Variants in DACH2 observed in about 807,000 individuals in gnomAD.
DACH2 encodes the protein dachshund homolog 2.
In DACH2, 17 loss-of-function variants were observed where a neutral mutation model predicts 35.8. The ratio of observed to expected loss-of-function variants is 0.48; its 90% CI spans 0.33 to 0.71. The LOEUF is 0.71. DACH2 is among the 30% of genes least tolerant of loss of function. The probability of loss-of-function intolerance (pLI) is 0.02; values close to 1 mark genes in which losing one functional copy is unlikely to be tolerated. For synonymous variants in DACH2, 195 were observed against 177.3 expected (o/e 1.10, Z -0.79); for missense variants, 469 against 472.7 (o/e 0.99, Z 0.07).
Position 86,295,421 on chromosome X carries a change from A to C in DACH2, c.489-81403A>C, listed in dbSNP as rs4828141. Among the ~76,000 whole-genome samples the C allele has an allele frequency of 9.3e-3, 1,035 of 111,558 alleles. 43 individuals are homozygous for C. Among genetic ancestry groups the C allele is most frequent in the Admixed American group, 0.089 (943 of 10,554 alleles). On this transcript the variant is annotated intron_variant, in intron 1 of 11. Coordinates refer to ENST00000373125, the MANE Select transcript of DACH2 (RefSeq NM_053281.3). ...GGAGCTGTAGACCGCAGCTGTTCCT[A>C]TTCGCTCTAAGCAGGTTTCATACCC...
At chrX:86,160,832 G>A (rs2030728604) in intron 1 of DACH2, 3 of 493,571 alleles carry the variant, frequency 6.1e-6, no homozygotes, top group Non-Finnish European at 1.1e-5. Context: ...CCACCATACC[G>A]GGTTTGAGAA....
At chrX:86,588,970 C>A (rs114478736) in intron 3 of DACH2, among the ~76,000 whole-genome samples, 1 of 111,436 alleles carries the variant, frequency 9.0e-6, no homozygotes, top group Non-Finnish European at 1.9e-5. Context: ...ACAGCTTTTA[C>A]CCATTCAGCA....
chrX:86,409,422 G>A (rs1372240517), intron 2 of DACH2, among the ~76,000 whole-genome samples: 2 of 111,593 alleles, frequency 1.8e-5, no homozygotes, highest in East Asian at 2.8e-4. Flanking sequence ...CTGGTAGGAA[G>A]TGATTGGATC....
intron 2 of DACH2, among the ~76,000 whole-genome samples, chrX:86,402,681 C>G: frequency 9.0e-6 from 1 of 111,375 alleles, no homozygotes. Flanking sequence ...AAGATTTAGT[C>G]TACAATTCAT....
chrX:86,429,300 T>G (rs1011477940), intron 2 of DACH2, among the ~76,000 whole-genome samples: 5 of 111,423 alleles, frequency 4.5e-5, no homozygotes, highest in African/African-American at 1.6e-4. Context: ...GTCCTATTAT[T>G]TTTTTCTTCT....
chrX:86,261,758 A>G (rs1029937778), intron 1 of DACH2, among the ~76,000 whole-genome samples: 9 of 111,246 alleles, frequency 8.1e-5, no homozygotes, highest in Non-Finnish European at 1.9e-5. Flanking sequence ...AATAGAGGTC[A>G]ATAAAATAAG....
At chrX:86,529,979 A>ACG (rs1556296747) in intron 3 of DACH2, among the ~76,000 whole-genome samples, 1,925 of 65,698 alleles carry the variant, frequency 0.029, 32 homozygotes, top group Middle Eastern at 0.053. Context: ...ACACACACGC[A>ACG]CACACACACA....
chrX:86,784,860 G>A (rs898865744), intron 7 of DACH2, among the ~76,000 whole-genome samples: 2 of 111,468 alleles, frequency 1.8e-5, no homozygotes, highest in African/African-American at 6.5e-5. Context: ...ATTATCCTAA[G>A]CAAACTAATG....
At chrX:86,668,024 A>G (rs1038237386) in intron 4 of DACH2, among the ~76,000 whole-genome samples, 1 of 112,276 alleles carries the variant, frequency 8.9e-6, no homozygotes, top group African/African-American at 3.2e-5. Context: ...TTTCATCCAT[A>G]TAGGGATATT....
At chrX:86,493,303 G>A (rs1355096622) in intron 2 of DACH2, among the ~76,000 whole-genome samples, 1 of 111,000 alleles carries the variant, frequency 9.0e-6, no homozygotes. Context: ...ACCATTTGTG[G>A]TTCAATACTA....
At chrX:86,467,309 G>A (rs1047845131) in intron 2 of DACH2, among the ~76,000 whole-genome samples, 1 of 111,357 alleles carries the variant, frequency 9.0e-6, no homozygotes, top group Non-Finnish European at 1.9e-5. Context: ...GCAACATGCT[G>A]CCAGTCTCTT....
chrX:86,301,707 A>G (rs192868013), intron 1 of DACH2, among the ~76,000 whole-genome samples: 60 of 112,247 alleles, frequency 5.3e-4, no homozygotes, highest in Middle Eastern at 4.6e-3. Context: ...CAGTAGTAAA[A>G]TGACAGTCAT....
intron 3 of DACH2, among the ~76,000 whole-genome samples, chrX:86,563,040 G>T (rs778208963): frequency 3.2e-4 from 36 of 110,971 alleles, no homozygotes; most frequent in Non-Finnish European, 5.7e-4. Context: ...ATATTTTGCT[G>T]CACTAGACTT....
intron 2 of DACH2, among the ~76,000 whole-genome samples, chrX:86,472,912 T>A (rs960436017): frequency 2.7e-5 from 3 of 111,745 alleles, no homozygotes; most frequent in African/African-American, 9.7e-5. Context: ...AGAAGCAAAT[T>A]AAAATTTTTT....
chrX:86,701,691 C>T lies in DACH2; in HGVS notation c.931+6512C>T, dbSNP rs762032877. Among the ~76,000 whole-genome samples, 13 of 111,939 alleles carry T rather than the reference C, an allele frequency of 1.2e-4. No individual in the cohort carries two copies. In the Middle Eastern group the frequency reaches 0.014, roughly 120 times the overall value. On this transcript the variant is annotated intron_variant, in intron 5 of 11. Coordinates refer to ENST00000373125, the MANE Select transcript of DACH2 (RefSeq NM_053281.3). ...CATGGAATACTACACAGCCATAAAA[C>T]AGAATTAGATCCTGTTCTCTGCAAC...
chrX:86,763,446 C>T (rs777880670), intron 7 of DACH2, among the ~76,000 whole-genome samples: 1 of 111,658 alleles, frequency 9.0e-6, no homozygotes, highest in East Asian at 2.8e-4. Context: ...TTTAAGATGA[C>T]GTTTACTTTT....
At chrX:86,395,966 G>A (rs1050301036) in intron 2 of DACH2, among the ~76,000 whole-genome samples, 25 of 111,491 alleles carry the variant, frequency 2.2e-4, no homozygotes, top group African/African-American at 1.6e-4. Flanking sequence ...TCACCACACC[G>A]ACTTCCACAA....
chrX:86,338,821 C>G (rs1052312769), intron 1 of DACH2, among the ~76,000 whole-genome samples: 3 of 110,927 alleles, frequency 2.7e-5, no homozygotes, highest in Non-Finnish European at 5.7e-5. Context: ...AGACCATTAG[C>G]CAGACTAATA....
intron 1 of DACH2, among the ~76,000 whole-genome samples, chrX:86,317,890 G>C (rs1313049220): frequency 9.0e-6 from 1 of 111,137 alleles, no homozygotes; most frequent in Non-Finnish European, 1.9e-5. Flanking sequence ...GTCTACACAG[G>C]GGCTGTGTAG....
Sources: allele counts gnomAD v4.1 joint callset (sites outside exome capture counted in the v4.1 genomes callset), GRCh38; gene constraint gnomAD v4.1.1; transcripts MANE v1.5; gene names NCBI Gene and HGNC (gene_info 2026-07-23, HGNC 2026-07-21).